Variants in WWP1 observed in about 807,000 individuals in gnomAD.
WWP1 encodes the protein WW domain containing E3 ubiquitin protein ligase 1.
Under a neutral mutation model 130.6 loss-of-function variants are expected in WWP1, and 49 were observed. That is an observed-to-expected ratio of 0.38 (90% CI 0.30 to 0.48). The LOEUF (loss-of-function observed/expected upper bound fraction) is 0.48. Among genes scored for constraint, WWP1 ranks in the 20% least tolerant of loss-of-function variants. The pLI, the probability that WWP1 is intolerant of heterozygous loss-of-function variation, is 0.99. For synonymous variants in WWP1, 332 were observed against 367.8 expected (o/e 0.90, Z 1.11); for missense variants, 809 against 1,100.6 (o/e 0.74, Z 3.75).
chr8:86,464,285 C>A (rs1291716557), intron 24 of WWP1, among the ~76,000 whole-genome samples: 1 of 152,036 alleles, frequency 6.6e-6, no homozygotes, highest in East Asian at 1.9e-4. Context: ...AACTAGATAT[C>A]AAAATCCATA....
chr8:86,380,195 G>A (rs1824901125), intron 3 of WWP1, among the ~76,000 whole-genome samples: 1 of 152,122 alleles, frequency 6.6e-6, no homozygotes, highest in Admixed American at 6.5e-5. Context: ...ACTGGTGCAT[G>A]TTACAATATG....
rs1356839834 is a variant in WWP1, at chr8:86,362,163, C to CAGAT, written c.-114-6775_-114-6774insGATA. 2.2e-3 allele frequency among the ~76,000 whole-genome samples: 128 copies of CAGAT among 59,022 alleles called. 3 individuals carry two copies. Among genetic ancestry groups the CAGAT allele is most frequent in the Middle Eastern group, 0.011 (1 of 94 alleles). The allele number at this position is 59,022 out of a possible 152,430, so 38.7% of individuals were successfully genotyped here. A position where few individuals can be genotyped will look rare whatever the true frequency, so the allele number is the denominator to read the frequency against. On this transcript the variant is annotated intron_variant, in intron 1 of 24. Transcript: ENST00000517970. Reference sequence around the variant, plus strand: ...ATACTAGGCATATATATATACAAGGCATATATATATATATATATATATATA... The same window carrying CAGAT: ...ATACTAGGCATATATATATACAAGGCAGATATATATATATATATATATATATATA...
chr8:86,407,494 A>G (rs564658014), intron 8 of WWP1, among the ~76,000 whole-genome samples: 2 of 152,266 alleles, frequency 1.3e-5, no homozygotes, highest in South Asian at 2.1e-4. Context: ...GGTGCCAGTA[A>G]TATCTTACCT....
At position 86,424,838 on chromosome 8, in the gene WWP1, G is replaced by GGGAGA. The variant is rs1472794584; in HGVS notation, c.1062-381_1062-380insAGGAG. On this transcript the variant is annotated intron_variant, in intron 9 of 24. Coordinates refer to ENST00000517970, the MANE Select transcript of WWP1 (RefSeq NM_007013.4). ...GACTGTGGGGAGAGGGAGAGGGAGGGGGAGGGGAGGGGAGGGGGAGGGGGA... is the reference window on the plus strand; with the variant it reads ...GACTGTGGGGAGAGGGAGAGGGAGGGGGAGAGGAGGGGAGGGGAGGGGGAGGGGGA... Among the ~76,000 whole-genome samples, 183 of 92,714 alleles carry GGGAGA rather than the reference G, an allele frequency of 2.0e-3. 3 individuals carry two copies. The highest frequency in any genetic ancestry group is 8.0e-3 in the African/African-American group (175 of 21,960). 60.8% of individuals were successfully genotyped at this position (92,714 alleles called of 152,430 possible). A position where few individuals can be genotyped will look rare whatever the true frequency, so the allele number is the denominator to read the frequency against.
At chr8:86,355,293 C>G (rs1224708956) in intron 1 of WWP1, among the ~76,000 whole-genome samples, 1 of 152,130 alleles carries the variant, frequency 6.6e-6, no homozygotes, top group Admixed American at 6.5e-5. Context: ...CTAGTCTCAT[C>G]AGCAGTTCTG....
chr8:86,397,953 G>A (rs988548058), intron 5 of WWP1, among the ~76,000 whole-genome samples: 5 of 152,130 alleles, frequency 3.3e-5, no homozygotes, highest in African/African-American at 4.8e-5. Flanking sequence ...GTTTGAATAA[G>A]TTACTCAATA....
intron 8 of WWP1, among the ~76,000 whole-genome samples, chr8:86,402,439 C>T (rs1285305136): frequency 1.3e-5 from 2 of 152,116 alleles, no homozygotes; most frequent in Non-Finnish European, 2.9e-5. Context: ...GCACCCACCA[C>T]CACAACCAGC....
intron 16 of WWP1, among the ~76,000 whole-genome samples, chr8:86,437,251 G>A (rs566672727): frequency 7.3e-4 from 111 of 152,320 alleles, no homozygotes; most frequent in African/African-American, 2.6e-3. Flanking sequence ...CTACTTACTA[G>A]TAACCTTGAT....
chr8:86,349,065 A>G (rs1292039569), intron 1 of WWP1, among the ~76,000 whole-genome samples: 2 of 152,174 alleles, frequency 1.3e-5, no homozygotes, highest in African/African-American at 4.8e-5. Flanking sequence ...TCTGTCACCC[A>G]GGCTGGAGTG....
rs759696287 is a variant in WWP1 at position 86,402,005 on chromosome 8, AT to A, written c.540-5del. 237 of 1,530,416 alleles carry A rather than the reference AT, an allele frequency of 1.5e-4. No homozygotes were observed. Among genetic ancestry groups the A allele is most frequent in the South Asian group, 6.6e-4 (52 of 79,346 alleles). 94.8% of individuals were successfully genotyped at this position (1,530,416 alleles called of 1,614,324 possible). On this transcript the variant is annotated splice_polypyrimidine_tract_variant and intron_variant, in intron 7 of 24. Coordinates refer to ENST00000517970, the MANE Select transcript of WWP1 (RefSeq NM_007013.4). ...TATACTTAAATGATTGAAATAAGGC[AT>A]TTTTTTTTCAAGGTTGGCTGTTGAA... is the stretch of plus-strand genomic sequence containing the variant.
At chr8:86,421,767 G>A (rs1809224201) in intron 9 of WWP1, among the ~76,000 whole-genome samples, 2 of 151,948 alleles carry the variant, frequency 1.3e-5, no homozygotes, top group Non-Finnish European at 2.9e-5. Flanking sequence ...GAGCTTACAT[G>A]AGCCAAGATT....
At position 86,398,465 on chromosome 8, in the gene WWP1, G is replaced by A; in HGVS notation, c.458G>A (p.Ser153Asn). ...GAGCAAGAAAATATAACAAACTGCA[G>A]CTCATCTCCAACCAGTAAGCTAACT... ...VIEQENITNC[S>N]SSPTIEIQEN... The change falls in exon 6 of 25, where the codon AGC becomes AAC. Residue 153 changes from serine to asparagine, a missense_variant. Around this residue, in one of 3 missense-constraint regions of WWP1, gnomAD observed 262 missense variants for 346.0 expected, o/e 0.76. Coordinates refer to ENST00000517970, the MANE Select transcript of WWP1 (RefSeq NM_007013.4). The A allele has an allele frequency of 6.2e-7, 1 of 1,612,498 alleles. No homozygotes were observed. Among genetic ancestry groups the A allele is most frequent in the Non-Finnish European group, 8.5e-7 (1 of 1,179,096 alleles).
chr8:86,425,130 T>C, intron 9 of WWP1, 93 bp from the exon 10 acceptor site: 2 of 880,094 alleles, frequency 2.3e-6, no homozygotes, highest in Non-Finnish European at 3.5e-6. Flanking sequence ...AATGTAAAGC[T>C]TATCTGTAAT....
chr8:86,431,599 T>C lies in WWP1; in HGVS notation c.1473-16T>C. The stretch of plus-strand genomic sequence containing the variant: ...CTAGAAAAGGTTCATCTTGTGATTT[T>C]AACTTTATCTTTTAGCTTACAGAAT... On this transcript the variant is annotated splice_polypyrimidine_tract_variant and intron_variant, in intron 13 of 24. Coordinates refer to ENST00000517970, the MANE Select transcript of WWP1 (RefSeq NM_007013.4). 1 of 1,612,828 alleles carries C rather than the reference T, an allele frequency of 6.2e-7. No individual in the cohort carries two copies. The highest frequency in any genetic ancestry group is 1.1e-5 in the South Asian group (1 of 90,710).
chr8:86,400,985 A>C (rs1387954300), intron 7 of WWP1, among the ~76,000 whole-genome samples: 1 of 150,858 alleles, frequency 6.6e-6, no homozygotes, highest in African/African-American at 2.4e-5. Flanking sequence ...TTACATGATA[A>C]TTTCCAATTG....
chr8:86,386,355 A>G (rs563539225), intron 5 of WWP1, among the ~76,000 whole-genome samples: 1 of 152,110 alleles, frequency 6.6e-6, no homozygotes, highest in Non-Finnish European at 1.5e-5. Context: ...GCTGCAGTGA[A>G]CTATCATTGT....
intron 1 of WWP1, among the ~76,000 whole-genome samples, chr8:86,362,278 T>C (rs1823713278): frequency 6.8e-6 from 1 of 147,910 alleles, no homozygotes; most frequent in Admixed American, 6.8e-5. Flanking sequence ...CTTTTTTTTT[T>C]TCACATGGTA....
intron 1 of WWP1, among the ~76,000 whole-genome samples, chr8:86,346,365 G>C (rs1041894795): frequency 5.9e-5 from 9 of 152,154 alleles, no homozygotes; most frequent in Admixed American, 4.6e-4. Context: ...GGAGCTTGTA[G>C]TGAGCCGAGA....
In WWP1 at chr8:86,464,974, G is replaced by C. The variant is rs1811968693; in HGVS notation, c.2670-1820G>C. On this transcript the variant is annotated intron_variant, in intron 24 of 24. Coordinates refer to ENST00000517970, the MANE Select transcript of WWP1 (RefSeq NM_007013.4). ...TTGAGTCAAAGGGAGAATTAAAATA[G>C]ATTTCAAATTTTGTGAAAGGAAAGT... Among the ~76,000 whole-genome samples, 4 of 152,196 alleles carry C rather than the reference G, an allele frequency of 2.6e-5. No individual in the cohort carries two copies. The Middle Eastern group carries it at 0.014, about 518-fold the overall frequency.
Sources: allele counts gnomAD v4.1 joint callset (sites outside exome capture counted in the v4.1 genomes callset), GRCh38; gene constraint gnomAD v4.1.1; regional missense constraint gnomAD v4.1.1; transcripts MANE v1.5; gene names NCBI Gene and HGNC (gene_info 2026-07-23, HGNC 2026-07-21).